The following ATP11C variants were observed in gnomAD, a reference collection of about 807,000 sequenced individuals.
ATP11C encodes the protein ATPase phospholipid transporting 11C (ATP11C blood group), also known as phospholipid-transporting ATPase IG.
A neutral mutation model predicts 97.4 loss-of-function variants in ATP11C; 36 were observed. The observed-to-expected ratio is 0.37, with a 90% CI of 0.28 to 0.49. The LOEUF is 0.49. ATP11C is among the 20% of genes least tolerant of loss of function. The probability of loss-of-function intolerance (pLI) is 0.98; values close to 1 mark genes in which losing one functional copy is unlikely to be tolerated. For synonymous variants in ATP11C, 275 were observed against 290.9 expected (o/e 0.95, Z 0.56); for missense variants, 730 against 824.6 (o/e 0.89, Z 1.40).
In ATP11C at chrX:139,728,735, T is replaced by C. The variant is rs905046221; in HGVS notation, c.*231A>G. ...TTCATATAATTCTTAACTTACAGCT[T>C]TGGCCATAAAGGCTACTTACAATAA... On this transcript the variant is annotated 3_prime_UTR_variant, in exon 30 of 30. Coordinates refer to ENST00000682941, the MANE Select transcript of ATP11C (RefSeq NM_001353812.2). The C allele has an allele frequency of 2.7e-6, 1 of 372,165 alleles. No homozygotes were observed. Among genetic ancestry groups the C allele is most frequent in the African/African-American group, 2.5e-5 (1 of 39,547 alleles). 30.7% of individuals were successfully genotyped at this position (372,165 alleles called of 1,213,427 possible). A position where few individuals can be genotyped will look rare whatever the true frequency, so the allele number is the denominator to read the frequency against.
intron 1 of ATP11C, among the ~76,000 whole-genome samples, chrX:139,881,779 G>GA (rs1425541516): frequency 8.9e-6 from 1 of 111,849 alleles, no homozygotes; most frequent in East Asian, 2.8e-4. Flanking sequence ...CCTGGCAGCA[G>GA]TAAAATTCCA....
intron 1 of ATP11C, among the ~76,000 whole-genome samples, chrX:139,835,354 T>C (rs1184087537): frequency 9.0e-6 from 1 of 111,161 alleles, no homozygotes; most frequent in African/African-American, 3.3e-5. Flanking sequence ...CATATGTAAC[T>C]TGGAGAGGAC....
At chrX:139,864,092 G>C (rs769281526) in intron 1 of ATP11C, among the ~76,000 whole-genome samples, 20 of 111,268 alleles carry the variant, frequency 1.8e-4, no homozygotes, top group African/African-American at 6.5e-4. Context: ...GAAGAAAAAC[G>C]AAAAGAGTAT....
intron 20 of ATP11C, among the ~76,000 whole-genome samples, chrX:139,765,659 G>A (rs1172682993): frequency 8.9e-6 from 1 of 112,274 alleles, no homozygotes; most frequent in Non-Finnish European, 1.9e-5. Flanking sequence ...GATAAATACA[G>A]TAAATGCTGA....
chrX:139,807,032 G>A (rs373557323), intron 5 of ATP11C, among the ~76,000 whole-genome samples: 23 of 110,859 alleles, frequency 2.1e-4, no homozygotes, highest in Non-Finnish European at 3.8e-4. Flanking sequence ...TTACTATGAG[G>A]GGGGAGGATA....
At chrX:139,767,438 G>A (rs1418194017) in intron 20 of ATP11C, among the ~76,000 whole-genome samples, 1 of 111,182 alleles carries the variant, frequency 9.0e-6, no homozygotes, top group Non-Finnish European at 1.9e-5. Flanking sequence ...TGAGACATAG[G>A]GAGCAAGAGA....
At chrX:139,890,723 C>T (rs1490032514) in intron 1 of ATP11C, among the ~76,000 whole-genome samples, 1 of 112,318 alleles carries the variant, frequency 8.9e-6, no homozygotes, top group Non-Finnish European at 1.9e-5. Context: ...TAAAGATAAC[C>T]TGGACTGAAG....
chrX:139,874,759 G>T (rs901110532), intron 1 of ATP11C, among the ~76,000 whole-genome samples: 14 of 111,948 alleles, frequency 1.3e-4, no homozygotes, highest in Non-Finnish European at 2.6e-4. Context: ...GGCTTAGAAC[G>T]CCCAGCCATA....
At chrX:139,883,903 G>A (rs2084599443) in intron 1 of ATP11C, among the ~76,000 whole-genome samples, 1 of 111,405 alleles carries the variant, frequency 9.0e-6, no homozygotes, top group Non-Finnish European at 1.9e-5. Flanking sequence ...TGCTAAGAAA[G>A]GTCATAATTA....
At chrX:139,733,752 T>C (rs779788456) in intron 28 of ATP11C, among the ~76,000 whole-genome samples, 41 of 111,880 alleles carry the variant, frequency 3.7e-4, no homozygotes, top group African/African-American at 1.3e-3. Context: ...AACCTATCTA[T>C]TCAAGACTGC....
chrX:139,787,153 T>G lies in ATP11C; in HGVS notation c.1592+20A>C. 8.3e-7 allele frequency: 1 copy of G among 1,207,243 alleles called. No individual in the cohort carries two copies. Among genetic ancestry groups the G allele is most frequent in the Middle Eastern group, 2.3e-4 (1 of 4,341 alleles). ...CTATGGGGTTAAGAAATGACAAACA[T>G]CAAACACAGAGCTACTTACTCTTCT... is the stretch of plus-strand genomic sequence containing the variant. On this transcript the variant is annotated intron_variant, in intron 15 of 29. Transcript: ENST00000682941.
At chrX:139,893,549 C>T (rs1396888933) in intron 1 of ATP11C, among the ~76,000 whole-genome samples, 3 of 111,842 alleles carry the variant, frequency 2.7e-5, no homozygotes, top group Non-Finnish European at 5.6e-5. Flanking sequence ...ATTCCTCTTA[C>T]ATTTTTATCT....
chrX:139,752,051 C>T (rs1166222641), intron 23 of ATP11C, among the ~76,000 whole-genome samples: 1 of 111,404 alleles, frequency 9.0e-6, no homozygotes, highest in African/African-American at 3.3e-5. Context: ...ACCTCCTGAG[C>T]TCTCCTGGTA....
At chrX:139,794,734 G>A (rs960275715) in intron 12 of ATP11C, among the ~76,000 whole-genome samples, 1 of 112,133 alleles carries the variant, frequency 8.9e-6, no homozygotes, top group African/African-American at 3.2e-5. Flanking sequence ...ATGAAGATCT[G>A]AAAGAGGTAA....
intron 1 of ATP11C, among the ~76,000 whole-genome samples, chrX:139,831,741 A>C (rs1432797887): frequency 1.8e-5 from 2 of 111,917 alleles, no homozygotes; most frequent in Non-Finnish European, 3.8e-5. Flanking sequence ...TTAATGATTC[A>C]GGTTCTTCCA....
intron 24 of ATP11C, among the ~76,000 whole-genome samples, chrX:139,747,690 CA>C (rs76115349): frequency 0.054 from 6,043 of 111,617 alleles, 259 homozygotes; most frequent in East Asian, 0.29. Flanking sequence ...ACTAAATCAC[CA>C]AAGGTAAAAT....
chrX:139,734,651 T>A (rs368280598), intron 28 of ATP11C, among the ~76,000 whole-genome samples: 2 of 111,626 alleles, frequency 1.8e-5, no homozygotes, highest in East Asian at 2.8e-4. Context: ...TTCCTTGAGG[T>A]GTTATCCTGC....
chrX:139,821,337 A>T (rs1000263294), intron 2 of ATP11C, among the ~76,000 whole-genome samples: 1 of 112,111 alleles, frequency 8.9e-6, no homozygotes, highest in Admixed American at 9.4e-5. Context: ...GTGACCAAAA[A>T]TAGAAGCCAC....
At chrX:139,777,230 C>T (rs1195871394) in intron 18 of ATP11C, among the ~76,000 whole-genome samples, 1 of 109,744 alleles carries the variant, frequency 9.1e-6, no homozygotes, top group Non-Finnish European at 1.9e-5. Context: ...ATATGGATTG[C>T]AAGGCAACTC....
Sources: gnomAD v4.1 joint callset for allele counts (sites outside exome capture counted in the v4.1 genomes callset) on GRCh38, gnomAD v4.1.1 for gene constraint, MANE v1.5 for transcripts, NCBI Gene and HGNC (gene_info 2026-07-23, HGNC 2026-07-21) for gene names.